ANGPT4: variants seen among roughly 807,000 people sequenced by gnomAD.
ANGPT4 encodes angiopoietin 4.
Under a neutral mutation model 53.0 loss-of-function variants are expected in ANGPT4, and 50 were observed. The observed-to-expected ratio is 0.94, with a 90% CI of 0.75 to 1.20. ANGPT4 has a LOEUF of 1.20. Ranked by LOEUF, ANGPT4 falls within the 50% of genes most tolerant of loss-of-function variation. The probability of loss-of-function intolerance (pLI) is 0.00; values close to 1 mark genes in which losing one functional copy is unlikely to be tolerated. For missense variants in ANGPT4, 648 were observed against 637.1 expected (o/e 1.02, Z -0.18); for synonymous variants, 251 against 259.7 (o/e 0.97, Z 0.32).
At position 878,416 on chromosome 20, in the gene ANGPT4, C is replaced by A. The variant is rs185876913; in HGVS notation, c.1054-89G>T. 6.3e-5 allele frequency: 84 copies of A among 1,333,666 alleles called. No homozygotes were observed. The African/African-American group carries it at 1.1e-3, about 18-fold the overall frequency. 82.6% of individuals were successfully genotyped at this position (1,333,666 alleles called of 1,614,324 possible). A position where few individuals can be genotyped will look rare whatever the true frequency, so the allele number is the denominator to read the frequency against. ...AGCTGGGCTGGGCCAGGCTCCAGGG[C>A]TACTTATACAAAACCACTGTGCTTA... On this transcript the variant is annotated intron_variant, in intron 6 of 8. Coordinates refer to ENST00000381922, the MANE Select transcript of ANGPT4 (RefSeq NM_015985.4).
At chr20:909,142 C>T (rs540874445) in intron 1 of ANGPT4, among the ~76,000 whole-genome samples, 73 of 152,224 alleles carry the variant, frequency 4.8e-4, no homozygotes, top group African/African-American at 1.6e-3. Flanking sequence ...CGTTTCCCCG[C>T]AATAAATGGG....
intron 5 of ANGPT4, 61 bp from the exon 6 acceptor site, chr20:879,909 T>C: frequency 7.6e-7 from 1 of 1,318,000 alleles, no homozygotes; most frequent in Admixed American, 1.9e-5. Context: ...GCCAGGCCTG[T>C]GCTAGCCCAA....
rs6086446 is a variant in ANGPT4, at chr20:914,780, C to T, written c.309+1126G>A. On this transcript the variant is annotated intron_variant, in intron 1 of 8. Transcript: ENST00000381922. This position sits in a 1 kb window ranked among gnomAD's most constrained non-coding sequence, Gnocchi z 5.0. ...CCCCCCAGGATGTCTCCTGTACCCTCATGCCCCGCCAGGGCCAAGCCTGCT... is the reference window on the plus strand; with the variant it reads ...CCCCCCAGGATGTCTCCTGTACCCTTATGCCCCGCCAGGGCCAAGCCTGCT... Among the ~76,000 whole-genome samples the T allele has an allele frequency of 0.1, 15,269 of 152,154 alleles. 894 individuals are homozygous for T. Among genetic ancestry groups the T allele is most frequent in the South Asian group, 0.23 (1,118 of 4,820 alleles).
chr20:882,552 T>C (rs369733244), intron 4 of ANGPT4, among the ~76,000 whole-genome samples: 17 of 152,224 alleles, frequency 1.1e-4, no homozygotes, highest in Admixed American at 8.5e-4. Context: ...CCCAAATCAA[T>C]TCCAGTTCAC....
chr20:915,662 C>T (rs1982901035), intron 1 of ANGPT4, among the ~76,000 whole-genome samples: 1 of 152,156 alleles, frequency 6.6e-6, no homozygotes, highest in Admixed American at 6.5e-5. Flanking sequence ...TCCGTTCAGC[C>T]CTTGGTCAGG....
intron 1 of ANGPT4, among the ~76,000 whole-genome samples, chr20:897,259 C>G (rs185534476): frequency 4.6e-5 from 7 of 152,322 alleles, no homozygotes; most frequent in Non-Finnish European, 1.0e-4. Flanking sequence ...GACAGGAGGA[C>G]TCCTTCAGGA....
intron 5 of ANGPT4, among the ~76,000 whole-genome samples, 154 bp downstream of exon 5, chr20:881,017 G>A (rs1359444737): frequency 1.3e-5 from 2 of 152,188 alleles, no homozygotes; most frequent in African/African-American, 4.8e-5. Flanking sequence ...CCCACAATCT[G>A]ATCCCTGACT....
At chr20:906,299 C>T (rs1451348625) in intron 1 of ANGPT4, among the ~76,000 whole-genome samples, 1 of 152,130 alleles carries the variant, frequency 6.6e-6, no homozygotes, top group East Asian at 1.9e-4. Flanking sequence ...GCCTTCTACT[C>T]ACAGCCAGCG....
Position 878,326 on chromosome 20 carries a change from C to T in ANGPT4, c.1055G>A (p.Gly352Asp), listed in dbSNP as rs766785366. 2 of 1,597,474 alleles carry T rather than the reference C, an allele frequency of 1.3e-6. No homozygotes were observed. Among genetic ancestry groups the T allele is most frequent in the South Asian group, 2.2e-5 (2 of 90,604 alleles). ...FQRNWKDYKQ[G>D]FGDPAGEHWL... Reference sequence around the variant, plus strand: ...GTGCTCCCCAGCTGGGTCTCCGAAGCCCTATAGGGAGGGGAGCGTGGGGTG... The same window carrying T: ...GTGCTCCCCAGCTGGGTCTCCGAAGTCCTATAGGGAGGGGAGCGTGGGGTG... The change falls in exon 7 of 9, where the codon GGC (glycine) becomes GAC (aspartate). Residue 352 changes from glycine (G) to aspartate (D), a missense_variant and splice_region_variant. By Grantham distance (94) the Gly-to-Asp change is moderately conservative (BLOSUM62 -1). Coordinates refer to ENST00000381922, the MANE Select transcript of ANGPT4 (RefSeq NM_015985.4).
At chr20:885,423 T>A (rs1322718451) in intron 3 of ANGPT4, 98 bp from the exon 4 acceptor site, 1 of 1,424,744 alleles carries the variant, frequency 7.0e-7, no homozygotes, top group Non-Finnish European at 9.2e-7. Flanking sequence ...AGCCCGACGA[T>A]GAGACTCAAG....
At chr20:891,816 T>C (rs917363569) in intron 1 of ANGPT4, among the ~76,000 whole-genome samples, 1 of 152,148 alleles carries the variant, frequency 6.6e-6, no homozygotes, top group Non-Finnish European at 1.5e-5. Context: ...AGCGGGTGCT[T>C]GTGGGCGGTA....
At position 911,795 on chromosome 20, in the gene ANGPT4, A is replaced by T. The variant is rs11700328; in HGVS notation, c.309+4111T>A. On this transcript the variant is annotated intron_variant, in intron 1 of 8. Coordinates refer to ENST00000381922, the MANE Select transcript of ANGPT4 (RefSeq NM_015985.4). This position sits in a 1 kb window ranked among gnomAD's most constrained non-coding sequence, Gnocchi z 4.9. ...GCACCATTGCACCCCAGTGTGGTTG[A>T]GAGAGTCAGACCTTGTCTTTAGGAG... is the stretch of plus-strand genomic sequence containing the variant. Among the ~76,000 whole-genome samples, 2 of 151,818 alleles carry T rather than the reference A, an allele frequency of 1.3e-5. No homozygotes were observed. Among genetic ancestry groups the T allele is most frequent in the Admixed American group, 1.3e-4 (2 of 15,258 alleles).
chr20:884,881 CAG>C (rs1981548014), intron 4 of ANGPT4, among the ~76,000 whole-genome samples, 195 bp downstream of exon 4: 2 of 152,192 alleles, frequency 1.3e-5, no homozygotes, highest in African/African-American at 2.4e-5. Flanking sequence ...CCCATGGAAT[CAG>C]GGGACAGGGC....
chr20:897,637 C>T (rs909749651), intron 1 of ANGPT4, among the ~76,000 whole-genome samples: 3 of 152,188 alleles, frequency 2.0e-5, no homozygotes, highest in African/African-American at 4.8e-5. Flanking sequence ...GTCATTCACC[C>T]ACATTCCCTT....
chr20:888,354 T>C lies in ANGPT4; in HGVS notation c.551A>G (p.Gln184Arg). 6.2e-7 allele frequency: 1 copy of C among 1,613,984 alleles called. No individual in the cohort carries two copies. The highest frequency in any genetic ancestry group is 8.5e-7 in the Non-Finnish European group (1 of 1,179,996). ...TNKLENQLLL[Q>R]RQKLQQLQGQ... is the part of the protein sequence containing the mutation. ...CTGAAGCTGCTGGAGCTTCTGCCTCTGTAGCAGCAGCTGGTTCTCCAGCTT... is the reference window on the plus strand; with the variant it reads ...CTGAAGCTGCTGGAGCTTCTGCCTCCGTAGCAGCAGCTGGTTCTCCAGCTT... The change falls in exon 3 of 9, where the codon CAG becomes CGG. Residue 184 changes from glutamine (Q) to arginine (R), a missense_variant. Transcript: ENST00000381922.
intron 3 of ANGPT4, among the ~76,000 whole-genome samples, chr20:887,567 C>T (rs1981661373): frequency 6.6e-6 from 1 of 151,644 alleles, no homozygotes; most frequent in African/African-American, 2.4e-5. Flanking sequence ...TTTCTTCACT[C>T]AGCTTGAAAC....
rs552328978 is a variant in ANGPT4 at position 885,338 on chromosome 20, G to A, written c.588-13C>T. On this transcript the variant is annotated splice_polypyrimidine_tract_variant and intron_variant, in intron 3 of 8. Transcript: ENST00000381922. Reference sequence around the variant, plus strand: ...CTTCTCGAGCGCGCTGCGGGGTAGGGGGCGCACAGAGGTGAGCCTGGCATC... The same window carrying A: ...CTTCTCGAGCGCGCTGCGGGGTAGGAGGCGCACAGAGGTGAGCCTGGCATC... 26 of 1,569,516 alleles carry A rather than the reference G, an allele frequency of 1.7e-5. No individual in the cohort carries two copies. The African/African-American group carries it at 3.4e-4, about 20-fold the overall frequency.
chr20:887,843 G>C, intron 3 of ANGPT4, among the ~76,000 whole-genome samples: 1 of 151,752 alleles, frequency 6.6e-6, no homozygotes, highest in East Asian at 1.9e-4. Flanking sequence ...GGGTGAATTA[G>C]ATCTCAATAA....
chr20:888,257 G>A, intron 3 of ANGPT4, 61 bp downstream of exon 3: 1 of 1,567,686 alleles, frequency 6.4e-7, no homozygotes. Flanking sequence ...CCTGCCCTAG[G>A]TCCTAAACTT....
Sources: allele counts gnomAD v4.1 joint callset (sites outside exome capture counted in the v4.1 genomes callset), GRCh38; gene constraint gnomAD v4.1.1; non-coding constraint Gnocchi (gnomAD v3.1); transcripts MANE v1.5; gene names NCBI Gene and HGNC (gene_info 2026-07-23, HGNC 2026-07-21).